Variants in HS6ST3 observed in about 807,000 individuals in gnomAD.
The protein encoded by HS6ST3 is heparan-sulfate 6-O-sulfotransferase 3.
HS6ST3 carries 12 observed loss-of-function variants against 36.7 expected under a neutral mutation model. The ratio of observed to expected loss-of-function variants is 0.33; its 90% confidence interval spans 0.21 to 0.53. HS6ST3 has a LOEUF of 0.53. Among genes scored for constraint, HS6ST3 ranks in the 20% least tolerant of loss-of-function variants. The pLI, the probability that HS6ST3 is intolerant of heterozygous loss-of-function variation, is 0.95. For missense variants in HS6ST3, 584 were observed against 640.9 expected (o/e 0.91, Z 0.96); for synonymous variants, 240 against 257.5 (o/e 0.93, Z 0.65).
chr13:96,830,896 T>C (rs1373287170), intron 1 of HS6ST3, among the ~76,000 whole-genome samples: 5 of 152,192 alleles, frequency 3.3e-5, no homozygotes, highest in Non-Finnish European at 7.4e-5. Flanking sequence ...CAGACTGGCT[T>C]GTGCTAAAGG....
intron 1 of HS6ST3, among the ~76,000 whole-genome samples, chr13:96,237,599 T>C (rs960239259): frequency 3.3e-5 from 5 of 152,212 alleles, no homozygotes; most frequent in Admixed American, 3.3e-4. Context: ...CCATTCCTAT[T>C]TTCTTAGTGA....
intron 1 of HS6ST3, among the ~76,000 whole-genome samples, chr13:96,292,911 A>G (rs2054837150): frequency 1.3e-5 from 2 of 152,102 alleles, no homozygotes; most frequent in Non-Finnish European, 2.9e-5. Flanking sequence ...TGCTGCTTTT[A>G]TATGCTGTAT....
chr13:96,286,852 A>T (rs2054806015), intron 1 of HS6ST3, among the ~76,000 whole-genome samples: 1 of 152,038 alleles, frequency 6.6e-6, no homozygotes, highest in African/African-American at 2.4e-5. Context: ...ATTATACCTT[A>T]TTAAGGTATA....
intron 1 of HS6ST3, among the ~76,000 whole-genome samples, chr13:96,092,273 C>T (rs1268598149): frequency 6.6e-6 from 1 of 152,128 alleles, no homozygotes; most frequent in African/African-American, 2.4e-5. Flanking sequence ...TGTTAAATGC[C>T]TACAGGGTGC....
intron 1 of HS6ST3, among the ~76,000 whole-genome samples, chr13:96,795,661 C>T (rs923077417): frequency 6.6e-6 from 1 of 152,108 alleles, no homozygotes; most frequent in African/African-American, 2.4e-5. Context: ...TTACTCATTC[C>T]AATTTCCAAC....
chr13:96,272,623 A>C (rs2054726732), intron 1 of HS6ST3, among the ~76,000 whole-genome samples: 1 of 152,020 alleles, frequency 6.6e-6, no homozygotes, highest in African/African-American at 2.4e-5. Flanking sequence ...AATTCTATGT[A>C]AGGGATATTG....
At chr13:96,401,159 C>G (rs2055449229) in intron 1 of HS6ST3, among the ~76,000 whole-genome samples, 1 of 152,108 alleles carries the variant, frequency 6.6e-6, no homozygotes, top group Non-Finnish European at 1.5e-5. Flanking sequence ...GGAGTCTTAA[C>G]AGAAGAGTTT....
intron 1 of HS6ST3, among the ~76,000 whole-genome samples, chr13:96,472,295 G>A (rs544221409): frequency 1.3e-5 from 2 of 152,284 alleles, no homozygotes; most frequent in South Asian, 2.1e-4. Context: ...AGGTGGCTAG[G>A]TGTGCAGCTG....
At chr13:96,302,740 A>T (rs2054889960) in intron 1 of HS6ST3, among the ~76,000 whole-genome samples, 1 of 152,154 alleles carries the variant, frequency 6.6e-6, no homozygotes. Context: ...ATAATAATAT[A>T]CGTATAATAT....
At chr13:96,373,666 A>G (rs1426046408) in intron 1 of HS6ST3, among the ~76,000 whole-genome samples, 1 of 152,172 alleles carries the variant, frequency 6.6e-6, no homozygotes, top group African/African-American at 2.4e-5. Flanking sequence ...AAGGAGATGT[A>G]AGAAGACTGT....
At chr13:96,266,915 C>T (rs2054695222) in intron 1 of HS6ST3, among the ~76,000 whole-genome samples, 1 of 152,146 alleles carries the variant, frequency 6.6e-6, no homozygotes, top group Non-Finnish European at 1.5e-5. Context: ...CTAACCATTT[C>T]TGAAAGATTG....
intron 1 of HS6ST3, among the ~76,000 whole-genome samples, chr13:96,282,665 A>G (rs2054781709): frequency 6.6e-6 from 1 of 152,166 alleles, no homozygotes; most frequent in Non-Finnish European, 1.5e-5. Context: ...CATTGTCAGG[A>G]TTAGGGTACT....
At chr13:96,681,210 A>G (rs1328771451) in intron 1 of HS6ST3, among the ~76,000 whole-genome samples, 1 of 152,206 alleles carries the variant, frequency 6.6e-6, no homozygotes, top group African/African-American at 2.4e-5. Flanking sequence ...ACTATGCTTT[A>G]CGTTGATCAT....
chr13:96,381,331 A>C (rs1241248795), intron 1 of HS6ST3, among the ~76,000 whole-genome samples: 1 of 151,588 alleles, frequency 6.6e-6, no homozygotes, highest in East Asian at 1.9e-4. Flanking sequence ...TGTAAAATCT[A>C]TATTATATAT....
intron 1 of HS6ST3, among the ~76,000 whole-genome samples, chr13:96,476,180 C>G (rs1298262349): frequency 6.6e-6 from 1 of 152,138 alleles, no homozygotes; most frequent in Non-Finnish European, 1.5e-5. Flanking sequence ...TAAGAGGAAG[C>G]TACCTTCATC....
At chr13:96,408,971 T>C (rs1187367817) in intron 1 of HS6ST3, among the ~76,000 whole-genome samples, 1 of 152,046 alleles carries the variant, frequency 6.6e-6, no homozygotes, top group Non-Finnish European at 1.5e-5. Context: ...TCGAACATCG[T>C]GCAAATGTTC....
chr13:96,433,816 T>C (rs1352091141), intron 1 of HS6ST3, among the ~76,000 whole-genome samples: 1 of 152,116 alleles, frequency 6.6e-6, no homozygotes, highest in Non-Finnish European at 1.5e-5. Flanking sequence ...GCACGTGTAA[T>C]ACCAACTACT....
At chr13:96,671,435 C>T (rs1042312404) in intron 1 of HS6ST3, among the ~76,000 whole-genome samples, 1 of 152,128 alleles carries the variant, frequency 6.6e-6, no homozygotes, top group Non-Finnish European at 1.5e-5. Flanking sequence ...CCAGGATTGA[C>T]CTATGGTAGG....
intron 1 of HS6ST3, among the ~76,000 whole-genome samples, chr13:96,586,421 G>A (rs2056361423): frequency 6.6e-6 from 1 of 151,740 alleles, no homozygotes; most frequent in Non-Finnish European, 1.5e-5. Context: ...TCAGCCTCCC[G>A]AGTAGCTGGG....
Sources: gnomAD v4.1 joint callset for allele counts (sites outside exome capture counted in the v4.1 genomes callset) on GRCh38, gnomAD v4.1.1 for gene constraint, MANE v1.5 for transcripts, NCBI Gene and HGNC (gene_info 2026-07-23, HGNC 2026-07-21) for gene names.